The following CACNB4 variants were observed in gnomAD, a reference collection of about 807,000 sequenced individuals.
CACNB4 encodes the protein voltage-dependent L-type calcium channel subunit beta-4.
CACNB4 carries 32 observed loss-of-function variants against 71.2 expected under a neutral mutation model. The observed-to-expected ratio is 0.45, with a 90% CI of 0.34 to 0.60. The LOEUF (loss-of-function observed/expected upper bound fraction) is 0.60. Among genes scored for constraint, CACNB4 ranks in the 20% least tolerant of loss-of-function variants. The pLI is 0.01. For synonymous variants in CACNB4, 231 were observed against 236.9 expected (o/e 0.97, Z 0.23); for missense variants, 464 against 647.9 (o/e 0.72, Z 3.08).
chr2:152,071,770 G>A (rs537260854), intron 2 of CACNB4, among the ~76,000 whole-genome samples: 1 of 152,254 alleles, frequency 6.6e-6, no homozygotes, highest in Non-Finnish European at 1.5e-5. Flanking sequence ...ATAATATTTA[G>A]CCTTTTCCTT....
In CACNB4 at chr2:151,975,633, C is replaced by G. The variant is rs189314289; in HGVS notation, c.148-92263G>C. Among the ~76,000 whole-genome samples, 6 of 152,208 alleles carry G rather than the reference C, an allele frequency of 3.9e-5. No homozygotes were observed. The East Asian group carries it at 1.2e-3, about 29-fold the overall frequency. On this transcript the variant is annotated intron_variant, in intron 2 of 13. Transcript: ENST00000539935. ...ATGCATGTTGGAGAAAGTCCCTGGC[C>G]ACGTGGAACCTCGGTTCCCTCCCCC... is the stretch of plus-strand genomic sequence containing the variant.
chr2:151,876,356 G>GTA, intron 5 of CACNB4, 70 bp downstream of exon 5: 2 of 1,354,716 alleles, frequency 1.5e-6, no homozygotes, highest in Non-Finnish European at 2.1e-6. Context: ...TACTTTGAAA[G>GTA]TATACACCCT....
chr2:151,878,897 C>T (rs1045716200), intron 4 of CACNB4, among the ~76,000 whole-genome samples: 7 of 151,762 alleles, frequency 4.6e-5, no homozygotes, highest in Non-Finnish European at 8.8e-5. Context: ...GAAAACAGAG[C>T]GAGAACCTGT....
chr2:151,848,904 C>T (rs1403639395), intron 12 of CACNB4, among the ~76,000 whole-genome samples: 1 of 151,838 alleles, frequency 6.6e-6, no homozygotes, highest in Non-Finnish European at 1.5e-5. Flanking sequence ...TTCAACTTAT[C>T]TGAAGAGAAA....
chr2:151,861,059 C>T (rs1055168027), intron 9 of CACNB4: 2 of 501,528 alleles, frequency 4.0e-6, no homozygotes, highest in East Asian at 3.5e-5. Context: ...TAAAAATGTT[C>T]TTCCTCCATT....
At chr2:151,966,053 G>A (rs2151711887) in intron 2 of CACNB4, among the ~76,000 whole-genome samples, 1 of 152,252 alleles carries the variant, frequency 6.6e-6, no homozygotes, top group African/African-American at 2.4e-5. Flanking sequence ...ATGGCATATG[G>A]TGACATTTTT....
intron 10 of CACNB4, 111 bp downstream of exon 10, chr2:151,860,600 G>A: frequency 1.3e-6 from 1 of 768,318 alleles, no homozygotes; most frequent in East Asian, 2.5e-5. Context: ...GGTACTCAGT[G>A]CTCCCCCGTT....
chr2:151,887,495 T>A (rs890892652), intron 2 of CACNB4, among the ~76,000 whole-genome samples: 1 of 151,866 alleles, frequency 6.6e-6, no homozygotes, highest in Non-Finnish European at 1.5e-5. Context: ...TCTTCTCAAG[T>A]ACAAAATGCA....
chr2:151,984,884 C>T (rs1162537957), intron 2 of CACNB4, among the ~76,000 whole-genome samples: 2 of 152,156 alleles, frequency 1.3e-5, no homozygotes, highest in Non-Finnish European at 2.9e-5. Flanking sequence ...AAAACACATG[C>T]TTATGATCCA....
At chr2:152,063,741 G>A (rs779442156) in intron 2 of CACNB4, among the ~76,000 whole-genome samples, 2 of 152,152 alleles carry the variant, frequency 1.3e-5, no homozygotes, top group Non-Finnish European at 2.9e-5. Flanking sequence ...TGTGAGGCGG[G>A]GGGCAGGGTT....
At chr2:151,875,610 G>T (rs537626305) in intron 5 of CACNB4, among the ~76,000 whole-genome samples, 1 of 145,344 alleles carries the variant, frequency 6.9e-6, no homozygotes, top group Non-Finnish European at 1.5e-5. Flanking sequence ...GGGGCGGCTC[G>T]CCAGGCAGGG....
At chr2:151,852,054 G>T (rs1381262241) in intron 12 of CACNB4, 1 of 152,158 alleles carries the variant, frequency 6.6e-6, no homozygotes, top group Non-Finnish European at 1.5e-5. Context: ...AGGTAACCAG[G>T]TACATGTGTG....
intron 2 of CACNB4, among the ~76,000 whole-genome samples, chr2:152,036,133 T>C (rs960359775): frequency 6.7e-6 from 1 of 150,340 alleles, no homozygotes; most frequent in Non-Finnish European, 1.5e-5. Flanking sequence ...GTAGAAAATA[T>C]AATGTGGTTG....
chr2:152,069,471 T>C (rs769722743), intron 2 of CACNB4, among the ~76,000 whole-genome samples: 2 of 150,842 alleles, frequency 1.3e-5, no homozygotes, highest in Non-Finnish European at 2.9e-5. Flanking sequence ...AACCTCCCAC[T>C]GAATCTCATC....
At chr2:152,085,730 T>C (rs1315283864) in intron 2 of CACNB4, among the ~76,000 whole-genome samples, 1 of 151,818 alleles carries the variant, frequency 6.6e-6, no homozygotes, top group African/African-American at 2.4e-5. Flanking sequence ...GCCACAATAA[T>C]GGCGGATGTT....
intron 2 of CACNB4, chr2:152,048,874 AAAAG>A (rs2105281542): frequency 6.6e-6 from 1 of 152,412 alleles, no homozygotes; most frequent in South Asian, 2.1e-4. Context: ...TGGGGAGGGT[AAAAG>A]AAAGAAGAGA....
At chr2:151,902,338 A>G (rs1007987805) in intron 2 of CACNB4, among the ~76,000 whole-genome samples, 1 of 152,118 alleles carries the variant, frequency 6.6e-6, no homozygotes, top group African/African-American at 2.4e-5. Flanking sequence ...GACTTCACCC[A>G]TCTTTTGATG....
intron 2 of CACNB4, among the ~76,000 whole-genome samples, chr2:151,912,965 G>A (rs528627680): frequency 6.6e-6 from 1 of 152,112 alleles, no homozygotes; most frequent in African/African-American, 2.4e-5. Context: ...TTTAAAGTCT[G>A]TTTTGTCAGA....
At chr2:152,078,351 C>A (rs369530467) in intron 2 of CACNB4, among the ~76,000 whole-genome samples, 2 of 152,144 alleles carry the variant, frequency 1.3e-5, no homozygotes, top group African/African-American at 4.8e-5. Context: ...CCAAATATGT[C>A]GACTACCAAA....
Sources: gnomAD v4.1 joint callset for allele counts (sites outside exome capture counted in the v4.1 genomes callset) on GRCh38, gnomAD v4.1.1 for gene constraint, MANE v1.5 for transcripts, NCBI Gene and HGNC (gene_info 2026-07-23, HGNC 2026-07-21) for gene names.